Variants in GBF1 observed in about 807,000 individuals in gnomAD.
GBF1 encodes Golgi-specific brefeldin A-resistance guanine nucleotide exchange factor 1.
In GBF1, 114 loss-of-function variants were observed where a neutral mutation model predicts 210.5. The observed-to-expected ratio is 0.54, with a 90% confidence interval of 0.47 to 0.63. The LOEUF is 0.63. Ranked by LOEUF, GBF1 falls within the 30% of genes least tolerant of loss-of-function variation. The pLI, the probability that GBF1 is intolerant of heterozygous loss-of-function variation, is 0.00. For synonymous variants in GBF1, 850 were observed against 889.2 expected, an observed-to-expected ratio of 0.96 and a Z score of 0.78; for missense variants, 1,851 against 2,357.7, an observed-to-expected ratio of 0.79 and a Z score of 4.45.
intron 1 of GBF1, among the ~76,000 whole-genome samples, chr10:102,248,843 C>T (rs989296538): frequency 1.3e-5 from 2 of 152,106 alleles, no homozygotes; most frequent in Non-Finnish European, 2.9e-5. Flanking sequence ...CTGTATTGCT[C>T]AGGCTGGTTT....
intron 3 of GBF1, among the ~76,000 whole-genome samples, chr10:102,286,135 T>C (rs1424578560): frequency 6.6e-6 from 1 of 151,912 alleles, no homozygotes; most frequent in African/African-American, 2.4e-5. Context: ...TGAGGTGTGG[T>C]GAATGACAGG....
At chr10:102,233,869 CCTT>C in the GBF1 span, among the ~76,000 whole-genome samples, 38 of 152,320 alleles carry the variant, frequency 2.5e-4, no homozygotes, top group African/African-American at 8.9e-4. Flanking sequence ...CTCCCAGGGT[CCTT>C]CTCCAAGTTT....
chr10:102,288,214 C>G (rs537841809), intron 3 of GBF1, among the ~76,000 whole-genome samples: 2 of 152,172 alleles, frequency 1.3e-5, no homozygotes, highest in Non-Finnish European at 2.9e-5. Flanking sequence ...CAACTGGATT[C>G]AGATAATCCT....
intron 1 of GBF1, among the ~76,000 whole-genome samples, chr10:102,252,678 CTACAAAAAA>C (rs2071716401): frequency 6.6e-6 from 1 of 151,988 alleles, no homozygotes; most frequent in African/African-American, 2.4e-5. Context: ...AATGTTGTCT[CTACAAAAAA>C]TACAAAAAAA....
chr10:102,334,387 G>A (rs1022176155), intron 3 of GBF1, among the ~76,000 whole-genome samples: 5 of 152,194 alleles, frequency 3.3e-5, no homozygotes, highest in Non-Finnish European at 7.3e-5. Context: ...AATGAGAAAA[G>A]GCTGCTGCGG....
chr10:102,382,032 GT>G, intron 39 of GBF1, 23 bp from the exon 40 acceptor site: 1 of 1,520,438 alleles, frequency 6.6e-7, no homozygotes, highest in Non-Finnish European at 8.8e-7. Flanking sequence ...GAATCTGACT[GT>G]AACCACCTTG....
intron 3 of GBF1, among the ~76,000 whole-genome samples, chr10:102,343,112 A>C (rs2058309971): frequency 6.6e-6 from 1 of 152,212 alleles, no homozygotes; most frequent in Non-Finnish European, 1.5e-5. Flanking sequence ...TCTAGGCAGG[A>C]AACAGGCCGG....
chr10:102,239,778 C>T, the GBF1 span, among the ~76,000 whole-genome samples: 1 of 152,216 alleles, frequency 6.6e-6, no homozygotes, highest in African/African-American at 2.4e-5. Context: ...TCCTCTTCAG[C>T]ATAATTGAGC....
At chr10:102,357,332 C>T (rs952197461) in intron 8 of GBF1, among the ~76,000 whole-genome samples, 9 of 151,826 alleles carry the variant, frequency 5.9e-5, no homozygotes, top group African/African-American at 1.9e-4. Flanking sequence ...ACTAAAAATA[C>T]AAAAATTATC....
intron 1 of GBF1, among the ~76,000 whole-genome samples, chr10:102,246,553 C>T (rs1313999717): frequency 8.5e-5 from 13 of 152,230 alleles, no homozygotes; most frequent in Admixed American, 7.9e-4. Context: ...ATTTGACTGA[C>T]AGCAGAGAGA....
chr10:102,306,732 C>G (rs1459646824), intron 3 of GBF1, among the ~76,000 whole-genome samples: 1 of 152,156 alleles, frequency 6.6e-6, no homozygotes, highest in African/African-American at 2.4e-5. Flanking sequence ...CCGGGGCTGT[C>G]TCTTTAGATA....
intron 3 of GBF1, among the ~76,000 whole-genome samples, chr10:102,342,830 G>C (rs941397600): frequency 2.0e-5 from 3 of 152,116 alleles, no homozygotes; most frequent in Non-Finnish European, 1.5e-5. Flanking sequence ...TTAAATTCTG[G>C]TCAGAGTAAG....
Position 102,363,096 on chromosome 10 carries a change from G to C in GBF1, c.1877-160G>C, listed in dbSNP as rs1434488961. On this transcript the variant is annotated intron_variant, in intron 15 of 39. Coordinates refer to ENST00000369983, the MANE Select transcript of GBF1 (RefSeq NM_001377137.1). This position sits in a 1 kb window ranked among gnomAD's most constrained non-coding sequence, Gnocchi z 4.2. ...AATTAGAGAATCTAATGCTTGGCTG[G>C]GACAGGGACTACTTATTTTGGCTTG... 6.6e-6 allele frequency among the ~76,000 whole-genome samples: 1 copy of C among 152,172 alleles called. No homozygotes were observed. The highest frequency in any genetic ancestry group is 1.5e-5 in the Non-Finnish European group (1 of 68,034).
intron 3 of GBF1, among the ~76,000 whole-genome samples, chr10:102,276,198 C>T (rs1222263263): frequency 6.6e-6 from 1 of 151,616 alleles, no homozygotes; most frequent in Non-Finnish European, 1.5e-5. Context: ...GATCGCGCCA[C>T]TGCACTCCAG....
the GBF1 span, among the ~76,000 whole-genome samples, chr10:102,235,734 C>T: frequency 2.0e-5 from 3 of 152,168 alleles, no homozygotes; most frequent in Non-Finnish European, 2.9e-5. Context: ...CTGTGTCTGC[C>T]CTTCCTTGAG....
intron 1 of GBF1, among the ~76,000 whole-genome samples, chr10:102,254,454 T>G (rs1416775810): frequency 6.6e-6 from 1 of 152,246 alleles, no homozygotes; most frequent in African/African-American, 2.4e-5. Context: ...TAACCTGAGA[T>G]ATATTTTTGG....
the GBF1 span, among the ~76,000 whole-genome samples, chr10:102,233,542 G>A: frequency 1.3e-5 from 2 of 152,080 alleles, no homozygotes; most frequent in African/African-American, 4.8e-5. Context: ...CATCGCAGGT[G>A]ATCTGCCTGC....
In GBF1 at chr10:102,293,764, G is replaced by GTTTTTTTTTTTTTTTTTTTT. The variant is rs1263151407; in HGVS notation, c.163+33652_163+33653insTTTTTTTTTTTTTTTTTTTT. On this transcript the variant is annotated intron_variant, in intron 3 of 39. Transcript: ENST00000369983. ...AAAATATTTTGTACAGCTGTAGTAT[G>GTTTTTTTTTTTTTTTTTTTT]TTTTGTGTTTTTTTTTTTTTTTTTT... Among the ~76,000 whole-genome samples, 169 of 50,880 alleles carry GTTTTTTTTTTTTTTTTTTTT rather than the reference G, an allele frequency of 3.3e-3. 63 individuals carry two copies. Among genetic ancestry groups the GTTTTTTTTTTTTTTTTTTTT allele is most frequent in the Non-Finnish European group, 5.1e-3 (120 of 23,608 alleles). The allele number at this position is 50,880 out of a possible 152,430, so 33.4% of individuals were successfully genotyped here.
At chr10:102,372,198 G>A (rs568245030) in intron 29 of GBF1, among the ~76,000 whole-genome samples, 7 of 145,940 alleles carry the variant, frequency 4.8e-5, no homozygotes, top group Admixed American at 2.1e-4. Context: ...GCAACACAGC[G>A]AGACTCCATC....
Sources: gnomAD v4.1 joint callset for allele counts (sites outside exome capture counted in the v4.1 genomes callset) on GRCh38, gnomAD v4.1.1 for gene constraint, Gnocchi (gnomAD v3.1) non-coding constraint, MANE v1.5 for transcripts, NCBI Gene and HGNC (gene_info 2026-07-23, HGNC 2026-07-21) for gene names.